The following CTNNA3 variants were observed in gnomAD, a reference collection of about 807,000 sequenced individuals.
CTNNA3 encodes catenin alpha 3, also known as catenin alpha-3.
In CTNNA3, 76 loss-of-function variants were observed where a neutral mutation model predicts 95.7. The ratio of observed to expected loss-of-function variants is 0.79; its 90% CI spans 0.66 to 0.96. The LOEUF is 0.96. CTNNA3 is among the 40% of genes least tolerant of loss of function. The probability of loss-of-function intolerance (pLI) is 0.00; values close to 1 mark genes in which losing one functional copy is unlikely to be tolerated. For synonymous variants in CTNNA3, 431 were observed against 374.4 expected (o/e 1.15, Z -1.74); for missense variants, 1,191 against 1,089.8 (o/e 1.09, Z -1.31).
In CTNNA3 at chr10:66,280,622, C is replaced by T; in HGVS notation, c.1733-1G>A. On this transcript the variant is annotated splice_acceptor_variant, in intron 12 of 17. Coordinates refer to ENST00000433211, the MANE Select transcript of CTNNA3 (RefSeq NM_013266.4). LOFTEE classifies it high-confidence loss of function. ...ACTTGTGTTACAAATTCAGGAATTA[C>T]TGTTAAAATAAAGAATAAGGAGAAG... The T allele has an allele frequency of 3.7e-6, 6 of 1,601,400 alleles. No individual in the cohort carries two copies. Among genetic ancestry groups the T allele is most frequent in the Non-Finnish European group, 4.3e-6 (5 of 1,175,058 alleles).
chr10:67,011,330 G>C (rs1852321642), intron 7 of CTNNA3, among the ~76,000 whole-genome samples: 1 of 135,352 alleles, frequency 7.4e-6, no homozygotes, highest in Middle Eastern at 4.4e-3. Flanking sequence ...CAGAGCAAAA[G>C]TCTGTCTCAA....
chr10:66,658,797 G>A (rs903909870), intron 9 of CTNNA3, among the ~76,000 whole-genome samples: 2 of 152,068 alleles, frequency 1.3e-5, no homozygotes, highest in African/African-American at 4.8e-5. Context: ...GGGTTCAAGC[G>A]ATCCTCACAC....
intron 7 of CTNNA3, among the ~76,000 whole-genome samples, chr10:66,904,352 A>G (rs1845893765): frequency 6.6e-6 from 1 of 152,208 alleles, no homozygotes; most frequent in Non-Finnish European, 1.5e-5. Flanking sequence ...CTTACATCTT[A>G]TACAAAAATT....
At chr10:66,166,962 T>G (rs2085162269) in intron 13 of CTNNA3, among the ~76,000 whole-genome samples, 1 of 152,110 alleles carries the variant, frequency 6.6e-6, no homozygotes, top group African/African-American at 2.4e-5. Context: ...AATGGGAGGT[T>G]GGAGAGGTGT....
chr10:66,973,650 G>T (rs1211891365), intron 7 of CTNNA3, among the ~76,000 whole-genome samples: 1 of 152,056 alleles, frequency 6.6e-6, no homozygotes, highest in Non-Finnish European at 1.5e-5. Flanking sequence ...TTTCAAGACG[G>T]AGTCTCACTG....
chr10:67,454,496 G>C (rs1282371878), intron 5 of CTNNA3, among the ~76,000 whole-genome samples: 1 of 152,100 alleles, frequency 6.6e-6, no homozygotes, highest in African/African-American at 2.4e-5. Flanking sequence ...CGAAACATAG[G>C]ATGCTGATTT....
At chr10:66,050,858 C>CTT (rs11345645) in intron 15 of CTNNA3, among the ~76,000 whole-genome samples, 1 of 148,076 alleles carries the variant, frequency 6.8e-6, no homozygotes, top group Non-Finnish European at 1.5e-5. Flanking sequence ...CCATTTCTTA[C>CTT]TTTTTTTTTT....
chr10:66,380,600 C>CCTAT lies in CTNNA3; in HGVS notation c.1532-1252_1532-1249dup, dbSNP rs3073254. 8.6e-3 allele frequency among the ~76,000 whole-genome samples: 1,253 copies of CCTAT among 145,988 alleles called. 7 individuals are homozygous for CCTAT. Among genetic ancestry groups the CCTAT allele is most frequent in the Non-Finnish European group, 0.012 (780 of 66,712 alleles). Reference sequence around the variant, plus strand: ...TCCAGCCTGGGTAATAGAGTGAGGCCCTATCTATCTATCTATCTATCTATC... The same window carrying CCTAT: ...TCCAGCCTGGGTAATAGAGTGAGGCCCTATCTATCTATCTATCTATCTATCTATC... On this transcript the variant is annotated intron_variant, in intron 11 of 17. Coordinates refer to ENST00000433211, the MANE Select transcript of CTNNA3 (RefSeq NM_013266.4).
intron 9 of CTNNA3, among the ~76,000 whole-genome samples, chr10:66,718,066 A>G (rs1848508734): frequency 6.6e-6 from 1 of 152,298 alleles, no homozygotes; most frequent in Non-Finnish European, 1.5e-5. Flanking sequence ...GTACAGCTAC[A>G]TTGGCACCAA....
intron 5 of CTNNA3, among the ~76,000 whole-genome samples, chr10:67,362,188 G>C (rs530483341): frequency 6.6e-6 from 1 of 151,778 alleles, no homozygotes; most frequent in Non-Finnish European, 1.5e-5. Flanking sequence ...TTCTACCAGG[G>C]ATACAAAAAA....
At chr10:67,042,693 G>GA (rs935878322) in intron 7 of CTNNA3, among the ~76,000 whole-genome samples, 3 of 151,308 alleles carry the variant, frequency 2.0e-5, no homozygotes, top group South Asian at 2.1e-4. Flanking sequence ...ACTATTAGAG[G>GA]AAAAAAAAGA....
At chr10:67,399,633 A>T (rs1844844801) in intron 5 of CTNNA3, among the ~76,000 whole-genome samples, 1 of 152,158 alleles carries the variant, frequency 6.6e-6, no homozygotes, top group Non-Finnish European at 1.5e-5. Context: ...ATAATACCTG[A>T]TCTTCACCAC....
chr10:67,091,645 T>C (rs910419216), intron 7 of CTNNA3, among the ~76,000 whole-genome samples: 3 of 152,026 alleles, frequency 2.0e-5, no homozygotes, highest in Admixed American at 2.0e-4. Context: ...TCATAGTCAC[T>C]AAGGTGAAAA....
At chr10:66,929,251 G>A (rs1247439186) in intron 7 of CTNNA3, among the ~76,000 whole-genome samples, 1 of 152,202 alleles carries the variant, frequency 6.6e-6, no homozygotes, top group Non-Finnish European at 1.5e-5. Flanking sequence ...AAATGAAACA[G>A]CATTGAGAAG....
At chr10:67,008,794 AG>A (rs1852157732) in intron 7 of CTNNA3, among the ~76,000 whole-genome samples, 3 of 152,190 alleles carry the variant, frequency 2.0e-5, no homozygotes, top group Admixed American at 2.0e-4. Context: ...ATAAGACAGA[AG>A]GCCCCAGTGC....
chr10:66,114,676 C>T (rs971854466), intron 13 of CTNNA3, among the ~76,000 whole-genome samples: 5 of 151,594 alleles, frequency 3.3e-5, no homozygotes, highest in African/African-American at 9.7e-5. Context: ...GTCAAGAGAT[C>T]GAGACCATCC....
intron 7 of CTNNA3, among the ~76,000 whole-genome samples, chr10:67,012,624 C>T (rs758587577): frequency 6.6e-6 from 1 of 152,072 alleles, no homozygotes; most frequent in Admixed American, 6.6e-5. Flanking sequence ...AAAATTATCA[C>T]AATTTATACC....
chr10:66,309,684 T>A (rs1332314358), intron 12 of CTNNA3, among the ~76,000 whole-genome samples: 1 of 15,298 alleles, frequency 6.5e-5, no homozygotes, highest in African/African-American at 2.7e-4. Flanking sequence ...AGACTCCGTC[T>A]CAAAAAAAAA....
At position 67,339,579 on chromosome 10, in the gene CTNNA3, C is replaced by A. The variant is rs539361442; in HGVS notation, c.580-119709G>T. ...CCAGTTTCATGTCAAATAAGTTATA[C>A]CTACAATACTTTTTACTACGGAGAA... On this transcript the variant is annotated intron_variant, in intron 5 of 17. Coordinates refer to ENST00000433211, the MANE Select transcript of CTNNA3 (RefSeq NM_013266.4). 9.2e-4 allele frequency among the ~76,000 whole-genome samples: 140 copies of A among 152,190 alleles called. 1 individual carries two copies. The highest frequency in any genetic ancestry group is 3.1e-3 in the African/African-American group (129 of 41,518).
Sources: gnomAD v4.1 joint callset for allele counts (sites outside exome capture counted in the v4.1 genomes callset) on GRCh38, gnomAD v4.1.1 for gene constraint, MANE v1.5 for transcripts, NCBI Gene and HGNC (gene_info 2026-07-23, HGNC 2026-07-21) for gene names.